ALKBH5: variants seen among roughly 807,000 people sequenced by gnomAD.
ALKBH5 encodes the protein RNA demethylase ALKBH5.
Under a neutral mutation model 32.1 loss-of-function variants are expected in ALKBH5, and 2 were observed. The ratio of observed to expected loss-of-function variants is 0.06; its 90% CI spans 0.03 to 0.20. ALKBH5 has a LOEUF of 0.20. Among genes scored for constraint, ALKBH5 ranks in the 10% least tolerant of loss-of-function variants. ALKBH5 has a pLI of 1.00. For synonymous variants in ALKBH5, 300 were observed against 231.7 expected (o/e 1.29, Z -2.68); for missense variants, 352 against 559.5 (o/e 0.63, Z 3.74).
intron 2 of ALKBH5, among the ~76,000 whole-genome samples, chr17:18,201,743 T>TAGA (rs2047236959): frequency 4.6e-5 from 6 of 129,828 alleles, no homozygotes; most frequent in African/African-American, 1.7e-4. Context: ...AGACTCCATC[T>TAGA]TAGATAGATA....
In ALKBH5 at chr17:18,184,354, C is replaced by G. The variant is rs1229681448; in HGVS notation, c.111C>G (p.Ala37=). The part of the protein sequence containing the change: ...SREAAAAAAA[A]VAAAAAAAAA... ...AGGCCGCCGCCGCTGCCGCAGCCGCCGTAGCCGCCGCAGCCGCAGCCGCCG... is the reference window on the plus strand; with the variant it reads ...AGGCCGCCGCCGCTGCCGCAGCCGCGGTAGCCGCCGCAGCCGCAGCCGCCG... The change falls in exon 1 of 4, where the codon GCC becomes GCG. Residue 37 remains alanine (A), a synonymous_variant. Coordinates refer to ENST00000399138, the MANE Select transcript of ALKBH5 (RefSeq NM_017758.4). 11 of 1,517,722 alleles carry G rather than the reference C, an allele frequency of 7.2e-6. No homozygotes were observed. The highest frequency in any genetic ancestry group is 2.2e-4 in the Middle Eastern group (1 of 4,516). The allele number at this position is 1,517,722 out of a possible 1,614,324, so 94.0% of individuals were successfully genotyped here.
At chr17:18,193,585 C>A (rs1203149041) in intron 1 of ALKBH5, among the ~76,000 whole-genome samples, 2 of 152,144 alleles carry the variant, frequency 1.3e-5, no homozygotes, top group Admixed American at 1.3e-4. Context: ...TTTGTTCTAT[C>A]CCCAGCATGA....
intron 1 of ALKBH5, among the ~76,000 whole-genome samples, chr17:18,192,940 A>G (rs931733866): frequency 1.9e-4 from 28 of 147,612 alleles, no homozygotes; most frequent in Non-Finnish European, 3.7e-4. Flanking sequence ...GCTCACGGCA[A>G]CCTCCACCTC....
chr17:18,185,934 A>G (rs2142467276), intron 1 of ALKBH5, among the ~76,000 whole-genome samples: 1 of 152,326 alleles, frequency 6.6e-6, no homozygotes, highest in East Asian at 1.9e-4. Flanking sequence ...TTTAGACCGC[A>G]GCTGTTCTCA....
intron 1 of ALKBH5, among the ~76,000 whole-genome samples, chr17:18,186,092 C>T (rs1048972117): frequency 1.2e-4 from 18 of 152,150 alleles, no homozygotes; most frequent in Admixed American, 1.0e-3. Context: ...GAGATTAGGT[C>T]ATCTGTTTCA....
At chr17:18,203,456 C>T (rs1235409370) in intron 2 of ALKBH5, among the ~76,000 whole-genome samples, 3 of 152,364 alleles carry the variant, frequency 2.0e-5, no homozygotes, top group African/African-American at 7.2e-5. Context: ...TGTCCTGACA[C>T]GGTAGGTGGC....
chr17:18,197,436 G>T (rs934463060), intron 2 of ALKBH5, among the ~76,000 whole-genome samples: 1 of 152,198 alleles, frequency 6.6e-6, no homozygotes, highest in East Asian at 1.9e-4. Context: ...CCAGGGATGG[G>T]TGGCCTGCCC....
rs149275625 is a variant in ALKBH5, at chr17:18,189,488, C to T, written c.770+4475C>T. Among the ~76,000 whole-genome samples, 219 of 152,344 alleles carry T rather than the reference C, an allele frequency of 1.4e-3. 3 individuals carry two copies. In the East Asian group the frequency reaches 0.027, roughly 19 times the overall value. The stretch of plus-strand genomic sequence containing the variant: ...TCTGGGGGATATAGGTTCATCTCTG[C>T]AAATCTCTTTCATGGGGCTAGTGGG... On this transcript the variant is annotated intron_variant, in intron 1 of 3. Coordinates refer to ENST00000399138, the MANE Select transcript of ALKBH5 (RefSeq NM_017758.4).
intron 3 of ALKBH5, among the ~76,000 whole-genome samples, chr17:18,207,904 G>T (rs1453974258): frequency 2.6e-5 from 4 of 152,170 alleles, no homozygotes; most frequent in Admixed American, 2.6e-4. Context: ...AGTAAAGGTA[G>T]ATGGCAGAAC....
intron 3 of ALKBH5, 137 bp from the exon 4 acceptor site, chr17:18,208,082 G>A (rs1035844960): frequency 3.4e-6 from 3 of 873,232 alleles, no homozygotes; most frequent in Non-Finnish European, 5.2e-6. Flanking sequence ...CGATACCAGG[G>A]CCTCTGCCAG....
chr17:18,201,106 C>T (rs959201044), intron 2 of ALKBH5, among the ~76,000 whole-genome samples: 2 of 152,096 alleles, frequency 1.3e-5, no homozygotes, highest in Non-Finnish European at 2.9e-5. Context: ...GTGGAGGTCT[C>T]ATTCTGGACC....
Position 18,199,441 on chromosome 17 carries a change from GTGCTCC to G in ALKBH5, c.851+4410_851+4415del, listed in dbSNP as rs1447350143. ...CTTCCAGTTTTCCCATGATTCCCTA[GTGCTCC>G]TGCACTAGTGCACTCTGTGCTTCTG... On this transcript the variant is annotated intron_variant, in intron 2 of 3. Coordinates refer to ENST00000399138, the MANE Select transcript of ALKBH5 (RefSeq NM_017758.4). Among the ~76,000 whole-genome samples, 4 of 152,182 alleles carry G rather than the reference GTGCTCC, an allele frequency of 2.6e-5. No individual in the cohort carries two copies. In the East Asian group the frequency reaches 7.7e-4, roughly 29 times the overall value.
chr17:18,192,186 C>T (rs948083447), intron 1 of ALKBH5, among the ~76,000 whole-genome samples: 1 of 152,192 alleles, frequency 6.6e-6, no homozygotes, highest in East Asian at 1.9e-4. Context: ...GAATCCAGGG[C>T]TCTGGCTTGC....
chr17:18,207,478 C>T (rs1370001987), intron 3 of ALKBH5, among the ~76,000 whole-genome samples: 3 of 152,104 alleles, frequency 2.0e-5, no homozygotes, highest in Middle Eastern at 3.4e-3. Context: ...CTGGCTAAGA[C>T]GGTGAAACCC....
chr17:18,207,060 G>T, intron 3 of ALKBH5, 90 bp downstream of exon 3: 1 of 1,492,378 alleles, frequency 6.7e-7, no homozygotes, highest in Non-Finnish European at 9.0e-7. Context: ...CTGTTTAGGA[G>T]CCTTGGCTTG....
At position 18,184,846 on chromosome 17, in the gene ALKBH5, C is replaced by T. The variant is rs764395293; in HGVS notation, c.603C>T (p.Ile201=). ...VINDYQPGGC[I]VSHVDPIHIF... ...ACGACTACCAGCCCGGCGGCTGCAT[C>T]GTGTCTCACGTGGACCCCATCCACA... is the stretch of plus-strand genomic sequence containing the variant. The change falls in exon 1 of 4, where the codon ATC becomes ATT. Residue 201 remains isoleucine (I), a synonymous_variant. Coordinates refer to ENST00000399138, the MANE Select transcript of ALKBH5 (RefSeq NM_017758.4). 3.7e-6 allele frequency: 6 copies of T among 1,614,194 alleles called. No individual in the cohort carries two copies. In the Admixed American group the frequency reaches 5.0e-5, roughly 13 times the overall value.
At chr17:18,199,049 CTG>C (rs1419994089) in intron 2 of ALKBH5, among the ~76,000 whole-genome samples, 1 of 152,138 alleles carries the variant, frequency 6.6e-6, no homozygotes, top group African/African-American at 2.4e-5. Flanking sequence ...AGTTAGGAAA[CTG>C]GAGCTCAGAT....
intron 2 of ALKBH5, among the ~76,000 whole-genome samples, chr17:18,197,286 T>A (rs1305832112): frequency 6.6e-6 from 1 of 152,180 alleles, no homozygotes; most frequent in Non-Finnish European, 1.5e-5. Context: ...GGAAGAGTTT[T>A]TATCTGCCTT....
chr17:18,194,117 C>G (rs924583286), intron 1 of ALKBH5, among the ~76,000 whole-genome samples: 1 of 125,682 alleles, frequency 8.0e-6, no homozygotes, highest in Non-Finnish European at 1.6e-5. Flanking sequence ...AAACAGATAT[C>G]TGAGTATGAT....
Sources: gnomAD v4.1 joint callset for allele counts (sites outside exome capture counted in the v4.1 genomes callset) on GRCh38, gnomAD v4.1.1 for gene constraint, MANE v1.5 for transcripts, NCBI Gene and HGNC (gene_info 2026-07-23, HGNC 2026-07-21) for gene names.